The following CEP350 variants were observed in gnomAD, a reference collection of about 807,000 sequenced individuals.
CEP350 encodes centrosomal protein 350, also known as centrosome-associated protein 350.
A neutral mutation model predicts 331.8 loss-of-function variants in CEP350; 126 were observed. The ratio of observed to expected loss-of-function variants is 0.38; its 90% CI spans 0.33 to 0.44. The LOEUF (loss-of-function observed/expected upper bound fraction) is 0.44, where lower values mean the gene tolerates loss of function less well. Among genes scored for constraint, CEP350 ranks in the 20% least tolerant of loss-of-function variants. The pLI is 1.00. For missense variants in CEP350, 3,406 were observed against 3,634.6 expected, an observed-to-expected ratio of 0.94 and a Z score of 1.62; for synonymous variants, 1,200 against 1,259.5, an observed-to-expected ratio of 0.95 and a Z score of 1.00.
intron 27 of CEP350, among the ~76,000 whole-genome samples, chr1:180,065,908 T>C (rs1658522961): frequency 6.6e-6 from 1 of 152,012 alleles, no homozygotes; most frequent in African/African-American, 2.4e-5. Flanking sequence ...TCTACTAATT[T>C]GGGGAAGCAA....
At chr1:180,041,620 G>T in intron 18 of CEP350, 42 bp from the exon 19 acceptor site, 2 of 1,559,034 alleles carry the variant, frequency 1.3e-6, no homozygotes. Context: ...GAGGAGGGGA[G>T]ATTAAAACAT....
chr1:180,084,097 G>C lies in CEP350; in HGVS notation c.6204G>C (p.Val2068=). 6.3e-7 allele frequency: 1 copy of C among 1,595,400 alleles called. No individual in the cohort carries two copies. The highest frequency in any genetic ancestry group is 8.5e-7 in the Non-Finnish European group (1 of 1,170,340). The change falls in exon 31 of 38, where the codon GTG becomes GTC. Residue 2068 remains valine (V), a synonymous_variant. Coordinates refer to ENST00000367607, the MANE Select transcript of CEP350 (RefSeq NM_014810.5). ...AGTTGCGGAAAAGAAAATCAGTTGT[G>C]AACCAGCTGAAGAAGGAACAGAAAA... ...KDELRKRKSV[V]NQLKKEQKKR... is the part of the protein sequence containing the mutation.
intron 14 of CEP350, among the ~76,000 whole-genome samples, chr1:180,029,253 C>G (rs984530948): frequency 6.6e-6 from 1 of 152,026 alleles, no homozygotes; most frequent in Non-Finnish European, 1.5e-5. Context: ...GGAGTGTAGG[C>G]CTTTCTTGCA....
At chr1:180,083,028 C>T (rs1202551433) in intron 30 of CEP350, among the ~76,000 whole-genome samples, 2 of 152,118 alleles carry the variant, frequency 1.3e-5, no homozygotes, top group Non-Finnish European at 2.9e-5. Context: ...ACATTTAGAC[C>T]ACACTATTAA....
chr1:179,968,022 G>A (rs1323325761), intron 1 of CEP350, among the ~76,000 whole-genome samples: 1 of 152,064 alleles, frequency 6.6e-6, no homozygotes, highest in Non-Finnish European at 1.5e-5. Context: ...TATACTGTGC[G>A]TGAACTAGGG....
At chr1:180,035,265 G>T (rs532499710) in intron 16 of CEP350, among the ~76,000 whole-genome samples, 1 of 152,186 alleles carries the variant, frequency 6.6e-6, no homozygotes, top group African/African-American at 2.4e-5. Flanking sequence ...TAAAATAAAA[G>T]TGCAAGGTGA....
chr1:180,065,817 A>G (rs1658517257), intron 27 of CEP350, among the ~76,000 whole-genome samples: 1 of 152,018 alleles, frequency 6.6e-6, no homozygotes, highest in Admixed American at 6.6e-5. Flanking sequence ...TCTTTTATTG[A>G]AAGAAAGGCA....
At chr1:179,975,715 G>C (rs1367226540) in intron 1 of CEP350, among the ~76,000 whole-genome samples, 2 of 152,150 alleles carry the variant, frequency 1.3e-5, no homozygotes, top group Admixed American at 1.3e-4. Flanking sequence ...TTTGAAGATA[G>C]ATAATGAATT....
chr1:179,964,807 C>A (rs149401923), intron 1 of CEP350, among the ~76,000 whole-genome samples: 1 of 150,544 alleles, frequency 6.6e-6, no homozygotes, highest in Non-Finnish European at 1.5e-5. Flanking sequence ...ATCTATCTTG[C>A]TTATCCCTTC....
intron 1 of CEP350, among the ~76,000 whole-genome samples, chr1:179,976,260 C>T (rs1045305252): frequency 3.3e-5 from 5 of 151,856 alleles, no homozygotes; most frequent in South Asian, 2.1e-4. Context: ...AGACTATACT[C>T]CAATTTTTGG....
chr1:180,016,000 G>C (rs898907923), intron 11 of CEP350, 30 bp downstream of exon 11: 1 of 1,609,688 alleles, frequency 6.2e-7, no homozygotes. Flanking sequence ...AGATGATTAA[G>C]ATTCTTTTCA....
At chr1:180,087,349 G>A (rs980329029) in intron 31 of CEP350, 9 of 298,340 alleles carry the variant, frequency 3.0e-5, no homozygotes, top group Middle Eastern at 9.9e-4. Flanking sequence ...TTTCTTAATT[G>A]ATACTGGAAT....
At position 180,014,051 on chromosome 1, in the gene CEP350, A is replaced by G; in HGVS notation, c.1598A>G (p.Asp533Gly). The change falls in exon 10 of 38, where the codon GAT (aspartate) becomes GGT (glycine). Residue 533 changes from aspartate (D) to glycine (G), a missense_variant. This residue lies in a region of CEP350 where 1,857 missense variants were observed against 1,909.2 expected (regional missense o/e 0.97). Transcript: ENST00000367607. Reference sequence around the variant, plus strand: ...CCTATTGAAATTCGTGGCATTCTTGATGACCTACAGCTGGATTCTACAGCT... The same window carrying G: ...CCTATTGAAATTCGTGGCATTCTTGGTGACCTACAGCTGGATTCTACAGCT... The part of the protein sequence containing the change: ...FLPIEIRGIL[D>G]DLQLDSTAHT... The G allele has an allele frequency of 6.2e-7, 1 of 1,612,640 alleles. No homozygotes were observed. Among genetic ancestry groups the G allele is most frequent in the Non-Finnish European group, 8.5e-7 (1 of 1,179,206 alleles).
At position 180,094,343 on chromosome 1, in the gene CEP350, A is replaced by G; in HGVS notation, c.8238A>G (p.Gln2746=). Residue 2746 remains glutamine, a synonymous_variant, in exon 34 of 38, where the codon CAA becomes CAG. Coordinates refer to ENST00000367607, the MANE Select transcript of CEP350 (RefSeq NM_014810.5). ...SSLNEEKKSK[Q]QLEKISLLTD... Reference sequence around the variant, plus strand: ...TAAATGAGGAAAAAAAGTCAAAACAACAACTGGAAAAAATCAGCTTACTGA... The same window carrying G: ...TAAATGAGGAAAAAAAGTCAAAACAGCAACTGGAAAAAATCAGCTTACTGA... 1 of 1,613,984 alleles carries G rather than the reference A, an allele frequency of 6.2e-7. No individual in the cohort carries two copies. Among genetic ancestry groups the G allele is most frequent in the South Asian group, 1.1e-5 (1 of 91,074 alleles).
In CEP350 at chr1:180,080,530, G is replaced by C. The variant is rs753983243; in HGVS notation, c.5993G>C (p.Ser1998Thr). ...TSPSKHSLPK[S>T]CTSVSKQESS... The stretch of plus-strand genomic sequence containing the variant: ...CTGTTTGAACAGTCACTTCCCAAAA[G>C]CTGCACATCTGTGTCAAAGCAGGAG... The change falls in exon 30 of 38, where the codon AGC becomes ACC. Residue 1998 changes from serine to threonine, a missense_variant. Transcript: ENST00000367607. The C allele has an allele frequency of 6.2e-7, 1 of 1,613,288 alleles. No homozygotes were observed. Among genetic ancestry groups the C allele is most frequent in the South Asian group, 1.1e-5 (1 of 90,946 alleles).
chr1:180,002,656 A>G (rs1286116999), intron 6 of CEP350, among the ~76,000 whole-genome samples: 1 of 152,204 alleles, frequency 6.6e-6, no homozygotes, highest in Non-Finnish European at 1.5e-5. Context: ...TGTTCATAGC[A>G]GCATTGTTAA....
intron 30 of CEP350, among the ~76,000 whole-genome samples, chr1:180,083,216 C>T (rs1322825044): frequency 6.6e-6 from 1 of 152,180 alleles, no homozygotes; most frequent in Non-Finnish European, 1.5e-5. Context: ...ATGGAAATGA[C>T]ACCATTGTGT....
intron 3 of CEP350, among the ~76,000 whole-genome samples, chr1:179,988,735 A>G (rs919713662): frequency 1.1e-4 from 17 of 149,090 alleles, no homozygotes; most frequent in East Asian, 3.9e-4. Context: ...TTTGTTTTCT[A>G]TGCCACCTGA....
At position 180,019,976 on chromosome 1, in the gene CEP350, G is replaced by T; in HGVS notation, c.2202G>T (p.Met734Ile). Reference protein sequence around the residue: ...ARKDLMESTWMQPERLSPQVH... With the variant: ...ARKDLMESTWIQPERLSPQVH... ...AAGACTTGATGGAATCTACATGGATGCAGCCTGAAAGATTGAGCCCACAAG... is the reference window on the plus strand; with the variant it reads ...AAGACTTGATGGAATCTACATGGATTCAGCCTGAAAGATTGAGCCCACAAG... Residue 734 changes from methionine (M) to isoleucine (I), a missense_variant, in exon 12 of 38, where the codon ATG becomes ATT. By Grantham distance (10) the Met-to-Ile change is conservative. Transcript: ENST00000367607. The T allele has an allele frequency of 6.2e-7, 1 of 1,609,558 alleles. No individual in the cohort carries two copies. Among genetic ancestry groups the T allele is most frequent in the Non-Finnish European group, 8.5e-7 (1 of 1,178,044 alleles).
Sources: allele counts gnomAD v4.1 joint callset (sites outside exome capture counted in the v4.1 genomes callset), GRCh38; gene constraint gnomAD v4.1.1; regional missense constraint gnomAD v4.1.1; transcripts MANE v1.5; gene names NCBI Gene and HGNC (gene_info 2026-07-23, HGNC 2026-07-21).